APP: variants seen among roughly 807,000 people sequenced by gnomAD.
APP encodes amyloid beta precursor protein, also known as amyloid-beta precursor protein.
Under a neutral mutation model 101.4 loss-of-function variants are expected in APP, and 31 were observed. The ratio of observed to expected loss-of-function variants is 0.31; its 90% confidence interval spans 0.23 to 0.41. The LOEUF is 0.41. Among genes scored for constraint, APP ranks in the 10% least tolerant of loss-of-function variants. APP has a pLI of 1.00. For synonymous variants in APP, 366 were observed against 364.4 expected (o/e 1.00, Z -0.05); for missense variants, 839 against 1,003.7 (o/e 0.84, Z 2.22).
intron 8 of APP, among the ~76,000 whole-genome samples, chr21:25,987,660 T>C (rs2042688402): frequency 6.6e-6 from 1 of 152,226 alleles, no homozygotes; most frequent in Non-Finnish European, 1.5e-5. Flanking sequence ...CAGTGGCATT[T>C]TGGATGACTA....
At chr21:25,911,175 T>C (rs532455526) in intron 14 of APP, among the ~76,000 whole-genome samples, 3 of 152,340 alleles carry the variant, frequency 2.0e-5, no homozygotes, top group Admixed American at 6.5e-5. Flanking sequence ...GTCATAAACA[T>C]AATAATATGA....
At chr21:26,126,283 G>A (rs1392365523) in intron 1 of APP, among the ~76,000 whole-genome samples, 4 of 152,202 alleles carry the variant, frequency 2.6e-5, no homozygotes, top group Non-Finnish European at 5.9e-5. Context: ...TAGAATAGAA[G>A]TGCCTCTTCA....
chr21:25,935,659 CT>C (rs2040329464), intron 13 of APP, among the ~76,000 whole-genome samples: 1 of 151,838 alleles, frequency 6.6e-6, no homozygotes, highest in South Asian at 2.1e-4. Flanking sequence ...GATCAACATA[CT>C]GAAACCCCGT....
At chr21:25,882,833 A>G (rs2037077742) in intron 17 of APP, among the ~76,000 whole-genome samples, 1 of 152,184 alleles carries the variant, frequency 6.6e-6, no homozygotes, top group South Asian at 2.1e-4. Context: ...TCAAAGGGAT[A>G]TTTCCTAGAA....
chr21:25,975,031 T>A (rs750842660), intron 11 of APP, 39 bp downstream of exon 11: 11 of 1,613,390 alleles, frequency 6.8e-6, no homozygotes, highest in Admixed American at 5.0e-5. Context: ...CTGTCTGTGC[T>A]GTGACCTGAA....
intron 5 of APP, among the ~76,000 whole-genome samples, chr21:26,034,120 A>C (rs1326682052): frequency 2.0e-5 from 3 of 152,208 alleles, no homozygotes; most frequent in African/African-American, 7.2e-5. Flanking sequence ...GAAAGACCAC[A>C]GATAATAGAC....
intron 1 of APP, among the ~76,000 whole-genome samples, chr21:26,148,856 G>A (rs1396641488): frequency 6.6e-6 from 1 of 152,148 alleles, no homozygotes; most frequent in Non-Finnish European, 1.5e-5. Context: ...TAGATACTTT[G>A]TAGATGTGGA....
At chr21:25,896,930 A>G (rs1859015263) in intron 16 of APP, among the ~76,000 whole-genome samples, 1 of 152,238 alleles carries the variant, frequency 6.6e-6, no homozygotes, top group Non-Finnish European at 1.5e-5. Context: ...TTTAAGCCAC[A>G]TAAAGTGTTC....
chr21:26,029,265 T>C (rs1185358204), intron 5 of APP, among the ~76,000 whole-genome samples: 2 of 152,128 alleles, frequency 1.3e-5, no homozygotes, highest in African/African-American at 4.8e-5. Context: ...GGGCACAGAA[T>C]GGTCTCCAGG....
Position 25,973,537 on chromosome 21 carries a change from A to C in APP, c.1458+1533T>G, listed in dbSNP as rs532234393. ...AACAGCCTGGAACATTTACACGCCT[A>C]AAAACACAGCCTCAAACTATACAAA... On this transcript the variant is annotated intron_variant, in intron 11 of 17. Coordinates refer to ENST00000346798, the MANE Select transcript of APP (RefSeq NM_000484.4). Among the ~76,000 whole-genome samples the C allele has an allele frequency of 2.0e-5, 3 of 152,340 alleles. No individual in the cohort carries two copies. In the South Asian group the frequency reaches 6.2e-4, roughly 32 times the overall value.
intron 5 of APP, among the ~76,000 whole-genome samples, chr21:26,036,095 A>T (rs2045096669): frequency 6.6e-6 from 1 of 152,198 alleles, no homozygotes; most frequent in African/African-American, 2.4e-5. Flanking sequence ...TAGTCTACTT[A>T]CAAATGGTAT....
intron 13 of APP, among the ~76,000 whole-genome samples, chr21:25,952,003 T>A (rs968485503): frequency 6.6e-6 from 1 of 152,204 alleles, no homozygotes; most frequent in African/African-American, 2.4e-5. Flanking sequence ...TGTACAGGGT[T>A]CGTTATTGCA....
intron 16 of APP, among the ~76,000 whole-genome samples, chr21:25,893,882 G>A (rs1393234653): frequency 6.6e-6 from 1 of 152,194 alleles, no homozygotes; most frequent in Admixed American, 6.5e-5. Flanking sequence ...ATGCCATCTA[G>A]GACTTTCATC....
At chr21:25,955,357 C>G (rs2041268305) in intron 12 of APP, among the ~76,000 whole-genome samples, 1 of 152,080 alleles carries the variant, frequency 6.6e-6, no homozygotes, top group Non-Finnish European at 1.5e-5. Flanking sequence ...TTTTGTTTTT[C>G]TCATTTTAGT....
chr21:25,955,341 T>A (rs962573654), intron 12 of APP, among the ~76,000 whole-genome samples: 1 of 152,230 alleles, frequency 6.6e-6, no homozygotes, highest in Non-Finnish European at 1.5e-5. Flanking sequence ...TTTTAGTTTA[T>A]ACAACTTTTG....
chr21:25,947,828 C>T (rs1363668633), intron 13 of APP, among the ~76,000 whole-genome samples: 1 of 151,790 alleles, frequency 6.6e-6, no homozygotes, highest in Non-Finnish European at 1.5e-5. Context: ...CATGGTGAAA[C>T]CCTGTCTCTA....
chr21:26,052,224 G>T (rs1293587771), intron 4 of APP, among the ~76,000 whole-genome samples: 1 of 152,152 alleles, frequency 6.6e-6, no homozygotes, highest in Non-Finnish European at 1.5e-5. Context: ...TGATGTTTTG[G>T]ACTGCCTAAT....
rs572432495 is a variant in APP, at chr21:26,164,793, T to C, written c.57+5771A>G. 2.6e-3 allele frequency among the ~76,000 whole-genome samples: 385 copies of C among 150,418 alleles called. 1 individual carries two copies. Among genetic ancestry groups the C allele is most frequent in the Non-Finnish European group, 4.5e-3 (304 of 67,760 alleles). Reference sequence around the variant, plus strand: ...ATCGCTTGAACCCAGGAGGCGGAGGTTGCAGTGAGCCGAGATCGCGCCACT... The same window carrying C: ...ATCGCTTGAACCCAGGAGGCGGAGGCTGCAGTGAGCCGAGATCGCGCCACT... On this transcript the variant is annotated intron_variant, in intron 1 of 17. Coordinates refer to ENST00000346798, the MANE Select transcript of APP (RefSeq NM_000484.4).
At chr21:26,033,438 TC>T (rs542810678) in intron 5 of APP, among the ~76,000 whole-genome samples, 87 of 152,332 alleles carry the variant, frequency 5.7e-4, no homozygotes, top group Non-Finnish European at 9.3e-4. Context: ...TAAACCTCTT[TC>T]CTTTATAAAC....
Sources: gnomAD v4.1 joint callset for allele counts (sites outside exome capture counted in the v4.1 genomes callset) on GRCh38, gnomAD v4.1.1 for gene constraint, MANE v1.5 for transcripts, NCBI Gene and HGNC (gene_info 2026-07-23, HGNC 2026-07-21) for gene names.